Variants in MOV10L1 observed in about 807,000 individuals in gnomAD.
The protein encoded by MOV10L1 is Mov10 like RNA helicase 1.
A neutral mutation model predicts 143.8 loss-of-function variants in MOV10L1; 110 were observed. The observed-to-expected ratio is 0.76, with a 90% CI of 0.66 to 0.90. The LOEUF is 0.90. Ranked by LOEUF, MOV10L1 falls within the 40% of genes least tolerant of loss-of-function variation. The pLI is 0.00. For synonymous variants in MOV10L1, 593 were observed against 581.1 expected (o/e 1.02, Z -0.29); for missense variants, 1,406 against 1,526.8 (o/e 0.92, Z 1.32).
Position 50,158,196 on chromosome 22 carries a change from A to ACCGGAAGCAGGTACGCCCTG in MOV10L1, c.3209_3216+12dup. 1 of 1,614,108 alleles carries ACCGGAAGCAGGTACGCCCTG rather than the reference A, an allele frequency of 6.2e-7. No individual in the cohort carries two copies. The highest frequency in any genetic ancestry group is 8.5e-7 in the Non-Finnish European group (1 of 1,180,032). ...AGCGACATTGGCGTCATCACGCCCT[A>ACCGGAAGCAGGTACGCCCTG]CCGGAAGCAGGTACGCCCTGCCCAG... On this transcript the variant is annotated frameshift_variant, in exon 23 of 27. Coordinates refer to ENST00000262794, the MANE Select transcript of MOV10L1 (RefSeq NM_018995.3). LOFTEE classifies it high-confidence loss of function. This position sits in a 1 kb window ranked among gnomAD's most constrained non-coding sequence, Gnocchi z 5.0.
intron 13 of MOV10L1, among the ~76,000 whole-genome samples, chr22:50,132,296 T>G (rs1602267782): frequency 6.6e-6 from 1 of 152,198 alleles, no homozygotes; most frequent in East Asian, 1.9e-4. Flanking sequence ...TTCCAGGTCT[T>G]TCTTCTTACA....
intron 10 of MOV10L1, 132 bp from the exon 11 acceptor site, chr22:50,125,260 C>T (rs2147221010): frequency 2.4e-6 from 2 of 839,170 alleles, no homozygotes; most frequent in East Asian, 5.2e-5. Flanking sequence ...CCTGCAGACT[C>T]CGGCGAGGAT....
In MOV10L1 at chr22:50,145,692, G is replaced by A; in HGVS notation, c.2509G>A (p.Val837Ile). 1.2e-6 allele frequency: 2 copies of A among 1,614,062 alleles called. No individual in the cohort carries two copies. Among genetic ancestry groups the A allele is most frequent in the Non-Finnish European group, 1.7e-6 (2 of 1,180,000 alleles). Residue 837 changes from valine (V) to isoleucine (I), a missense_variant, in exon 19 of 27, where the codon GTT (valine) becomes ATT (isoleucine). By Grantham distance (29) the Val-to-Ile change is conservative (BLOSUM62 3). Coordinates refer to ENST00000262794, the MANE Select transcript of MOV10L1 (RefSeq NM_018995.3). The part of the protein sequence containing the change: ...VNATCRFEEI[V>I]IDAVKPYCRD... Reference sequence around the variant, plus strand: ...CTCTACGCCTCCTTGCCCCCAGATAGTTATTGACGCCGTCAAACCGTATTG... The same window carrying A: ...CTCTACGCCTCCTTGCCCCCAGATAATTATTGACGCCGTCAAACCGTATTG...
intron 9 of MOV10L1, among the ~76,000 whole-genome samples, chr22:50,119,921 C>T (rs2062291272): frequency 6.6e-6 from 1 of 152,086 alleles, no homozygotes; most frequent in South Asian, 2.1e-4. Flanking sequence ...TTTCGTTTCC[C>T]TGTTCTCTCC....
chr22:50,133,252 C>CT (rs1049670569), intron 13 of MOV10L1, among the ~76,000 whole-genome samples: 23 of 151,852 alleles, frequency 1.5e-4, no homozygotes, highest in Non-Finnish European at 1.3e-4. Flanking sequence ...TAGTGGCCCT[C>CT]TATCAGGTTG....
At chr22:50,090,352 C>G in intron 1 of MOV10L1, 167 bp downstream of exon 1, 3 of 1,514,220 alleles carry the variant, frequency 2.0e-6, no homozygotes, top group Middle Eastern at 1.9e-4. Context: ...CAGGAGGCTT[C>G]CGACCCCACA....
chr22:50,100,752 G>T (rs541852879), intron 3 of MOV10L1, among the ~76,000 whole-genome samples: 1 of 152,086 alleles, frequency 6.6e-6, no homozygotes, highest in Non-Finnish European at 1.5e-5. Context: ...TGATCTGCCC[G>T]CCTTGGCCTC....
intron 9 of MOV10L1, among the ~76,000 whole-genome samples, chr22:50,118,385 C>T (rs952187294): frequency 4.6e-5 from 7 of 152,060 alleles, no homozygotes; most frequent in African/African-American, 9.7e-5. Flanking sequence ...TTTTCTGGCA[C>T]AAAGCAATCA....
chr22:50,149,757 T>A (rs767530533), intron 20 of MOV10L1, 43 bp downstream of exon 20: 2 of 1,544,288 alleles, frequency 1.3e-6, no homozygotes, highest in Admixed American at 3.5e-5. Flanking sequence ...CCTCACCCCG[T>A]TCTCCTGAGG....
chr22:50,160,870 A>C (rs1247251024), intron 25 of MOV10L1, 45 bp downstream of exon 25: 2 of 1,612,910 alleles, frequency 1.2e-6, no homozygotes, highest in Admixed American at 3.3e-5. Context: ...TTAAGGAGGG[A>C]GGGTCCGGGT....
intron 9 of MOV10L1, among the ~76,000 whole-genome samples, chr22:50,118,075 A>G (rs930734524): frequency 2.0e-5 from 3 of 152,146 alleles, no homozygotes; most frequent in Non-Finnish European, 4.4e-5. Flanking sequence ...CACTTTTCTA[A>G]TACTGAAAGA....
intron 24 of MOV10L1, 50 bp from the exon 25 acceptor site, chr22:50,160,637 GC>G (rs1569057861): frequency 6.4e-7 from 1 of 1,571,850 alleles, no homozygotes; most frequent in Non-Finnish European, 8.6e-7. Context: ...TTCTCTTCAT[GC>G]CCCCCAAAAA....
At chr22:50,119,453 A>G (rs904328397) in intron 9 of MOV10L1, among the ~76,000 whole-genome samples, 2 of 152,022 alleles carry the variant, frequency 1.3e-5, no homozygotes, top group Admixed American at 6.5e-5. Context: ...TTCACTTAGC[A>G]GATCTGTTCT....
In MOV10L1 at chr22:50,114,501, T is replaced by G; in HGVS notation, c.1005T>G (p.Val335=). Residue 335 remains valine, a synonymous_variant, in exon 7 of 27, where the codon GTT becomes GTG. Coordinates refer to ENST00000262794, the MANE Select transcript of MOV10L1 (RefSeq NM_018995.3). ...KDQMCPVVSF[V]SVPEKENSSD... Reference sequence around the variant, plus strand: ...AGATGTGCCCCGTGGTATCTTTTGTTTCTGTTCCTGAGAAGGAGAATTCAT... The same window carrying G: ...AGATGTGCCCCGTGGTATCTTTTGTGTCTGTTCCTGAGAAGGAGAATTCAT... 1 of 1,614,220 alleles carries G rather than the reference T, an allele frequency of 6.2e-7. No homozygotes were observed.
chr22:50,151,818 G>C (rs2063304580), intron 21 of MOV10L1, among the ~76,000 whole-genome samples: 1 of 152,244 alleles, frequency 6.6e-6, no homozygotes, highest in Non-Finnish European at 1.5e-5. Context: ...CAGGGCAGGT[G>C]CATACAGCAC....
At chr22:50,130,896 T>C (rs1458738112) in intron 13 of MOV10L1, among the ~76,000 whole-genome samples, 1 of 152,150 alleles carries the variant, frequency 6.6e-6, no homozygotes, top group Non-Finnish European at 1.5e-5. Context: ...CTGAACATCT[T>C]TTCTTTTTTC....
intron 6 of MOV10L1, 33 bp downstream of exon 6, chr22:50,113,821 C>T: frequency 6.5e-7 from 1 of 1,542,886 alleles, no homozygotes; most frequent in Non-Finnish European, 8.7e-7. Context: ...TTCTATAAAG[C>T]TACATTAATG....
intron 22 of MOV10L1, among the ~76,000 whole-genome samples, chr22:50,155,713 A>T (rs1272609544): frequency 6.6e-6 from 1 of 152,112 alleles, no homozygotes; most frequent in Non-Finnish European, 1.5e-5. Flanking sequence ...TGACGTCATG[A>T]TCTGCCCGCC....
chr22:50,094,920 A>C (rs1313068933), intron 2 of MOV10L1: 1 of 152,230 alleles, frequency 6.6e-6, no homozygotes, highest in Non-Finnish European at 1.5e-5. Flanking sequence ...GTTTCGATTT[A>C]TTAAAACTAA....
Sources: allele counts gnomAD v4.1 joint callset (sites outside exome capture counted in the v4.1 genomes callset), GRCh38; gene constraint gnomAD v4.1.1; non-coding constraint Gnocchi (gnomAD v3.1); transcripts MANE v1.5; gene names NCBI Gene and HGNC (gene_info 2026-07-23, HGNC 2026-07-21).